GCFC2: variants seen among roughly 807,000 people sequenced by gnomAD.
The protein encoded by GCFC2 is intron Large complex component GCFC2.
GCFC2 carries 102 observed loss-of-function variants against 99.4 expected under a neutral mutation model. The observed-to-expected ratio is 1.03, with a 90% CI of 0.87 to 1.21. The LOEUF (loss-of-function observed/expected upper bound fraction) is 1.21. Ranked by LOEUF, GCFC2 falls within the 50% of genes most tolerant of loss-of-function variation. The pLI is 0.00. For synonymous variants in GCFC2, 338 were observed against 316.8 expected (o/e 1.07, Z -0.71); for missense variants, 973 against 920.9 (o/e 1.06, Z -0.73).
rs781520037 is a variant in GCFC2 at position 75,706,535 on chromosome 2, G to A, written c.382C>T (p.Leu128Phe). The A allele has an allele frequency of 4.4e-6, 7 of 1,590,628 alleles. No homozygotes were observed. Among genetic ancestry groups the A allele is most frequent in the South Asian group, 1.1e-5 (1 of 87,708 alleles). ...DSSSSLGEKE[L>F]SSTVKIPDAA... ...ACAAATTACTAACCTGTTGATGAAA[G>A]TTCTTTTTCTCCAAGAGAGCTAGAA... Residue 128 changes from leucine to phenylalanine, a missense_variant, in exon 2 of 17, where the codon CTT becomes TTT. By Grantham distance (22) the Leu-to-Phe change is conservative (BLOSUM62 0). Coordinates refer to ENST00000321027, the MANE Select transcript of GCFC2 (RefSeq NM_003203.5).
chr2:75,689,009 A>C lies in GCFC2; in HGVS notation c.1539+17T>G. On this transcript the variant is annotated intron_variant, in intron 10 of 16. Coordinates refer to ENST00000321027, the MANE Select transcript of GCFC2 (RefSeq NM_003203.5). Reference sequence around the variant, plus strand: ...TAATATAATCAGGATAATTTTTCATATGTTAAGCATAAATACCTTAAGAGG... The same window carrying C: ...TAATATAATCAGGATAATTTTTCATCTGTTAAGCATAAATACCTTAAGAGG... 1 of 1,334,722 alleles carries C rather than the reference A, an allele frequency of 7.5e-7. No individual in the cohort carries two copies. Among genetic ancestry groups the C allele is most frequent in the Non-Finnish European group, 1.1e-6 (1 of 946,020 alleles). The allele number at this position is 1,334,722 out of a possible 1,614,324, so 82.7% of individuals were successfully genotyped here. A position where few individuals can be genotyped will look rare whatever the true frequency, so the allele number is the denominator to read the frequency against.
At chr2:75,709,634 C>G (rs949580786) in intron 1 of GCFC2, among the ~76,000 whole-genome samples, 3 of 152,098 alleles carry the variant, frequency 2.0e-5, no homozygotes, top group African/African-American at 7.2e-5. Flanking sequence ...TTCTACAACA[C>G]GGTGACTAAA....
chr2:75,705,587 A>AGCCTGGGC (rs1384491560), intron 2 of GCFC2, among the ~76,000 whole-genome samples: 10 of 107,424 alleles, frequency 9.3e-5, no homozygotes, highest in African/African-American at 3.0e-4. Flanking sequence ...ACTGCACTCC[A>AGCCTGGGC]GCCTGGGCGA....
At position 75,702,374 on chromosome 2, in the gene GCFC2, T is replaced by A. The variant is rs529042774; in HGVS notation, c.444A>T (p.Glu148Asp). 1 of 1,612,874 alleles carries A rather than the reference T, an allele frequency of 6.2e-7. No homozygotes were observed. Among genetic ancestry groups the A allele is most frequent in the South Asian group, 1.1e-5 (1 of 91,062 alleles). Residue 148 changes from glutamate (E) to aspartate (D), a missense_variant, in exon 3 of 17, where the codon GAA becomes GAT. Glu to Asp is a conservative substitution (Grantham distance 45, BLOSUM62 2). Coordinates refer to ENST00000321027, the MANE Select transcript of GCFC2 (RefSeq NM_003203.5). Reference protein sequence around the residue: ...AFIQAARRKRELARAQDDYIS... With the variant: ...AFIQAARRKRDLARAQDDYIS... ...TATAGTCATCTTGGGCCCTGGCCAA[T>A]TCACGTTTTCTGCGGGCTGCCTGAA...
In GCFC2 at chr2:75,681,501, G is replaced by A. The variant is rs543357331; in HGVS notation, c.1691-1187C>T. Among the ~76,000 whole-genome samples, 79 of 151,988 alleles carry A rather than the reference G, an allele frequency of 5.2e-4. 1 individual carries two copies. Among genetic ancestry groups the A allele is most frequent in the African/African-American group, 1.8e-3 (73 of 41,268 alleles). ...GTGGGTTTCATGCACAAAACTGGGT[G>A]GCTGTTTGGGCAGACATCAAACTAG... On this transcript the variant is annotated intron_variant, in intron 11 of 16. Coordinates refer to ENST00000321027, the MANE Select transcript of GCFC2 (RefSeq NM_003203.5).
intron 12 of GCFC2, among the ~76,000 whole-genome samples, chr2:75,676,301 C>T (rs182245729): frequency 1.3e-5 from 2 of 152,114 alleles, no homozygotes; most frequent in Non-Finnish European, 2.9e-5. Context: ...CCTGAGGCTG[C>T]CCATAACTTT....
chr2:75,710,994 C>T (rs538897654), upstream of GCFC2: 13 of 1,357,700 alleles, frequency 9.6e-6, no homozygotes, highest in African/African-American at 1.7e-4. Flanking sequence ...CTGCTCACCG[C>T]TACTCTGTCT....
rs113624225 is a variant in GCFC2 at position 75,702,984 on chromosome 2, C to T, written c.395-561G>A. ...TAGCCTCTGCGGTTCTGTAGTGAGC[C>T]CCACGTGAATAAACATGAGACATTA... On this transcript the variant is annotated intron_variant, in intron 2 of 16. Transcript: ENST00000321027. Among the ~76,000 whole-genome samples, 432 of 152,202 alleles carry T rather than the reference C, an allele frequency of 2.8e-3. 1 individual carries two copies. Among genetic ancestry groups the T allele is most frequent in the Non-Finnish European group, 4.6e-3 (310 of 68,010 alleles).
upstream of GCFC2, among the ~76,000 whole-genome samples, chr2:75,712,961 C>G (rs967907254): frequency 2.6e-5 from 4 of 152,174 alleles, no homozygotes; most frequent in Admixed American, 2.6e-4. Flanking sequence ...GTGTTTCTCC[C>G]AGATATCCAG....
intron 6 of GCFC2, 120 bp from the exon 7 acceptor site, chr2:75,692,220 A>C (rs1348890033): frequency 3.5e-6 from 1 of 287,276 alleles, no homozygotes; most frequent in Non-Finnish European, 6.2e-6. Context: ...CTTAATTCTC[A>C]AAGAAACATT....
intron 8 of GCFC2, 36 bp downstream of exon 8, chr2:75,690,599 CAAT>C: frequency 1.1e-6 from 1 of 911,318 alleles, no homozygotes; most frequent in Non-Finnish European, 1.8e-6. Context: ...AGTACTTGCT[CAAT>C]GATGCTTTCT....
chr2:75,664,521 G>A lies in GCFC2; in HGVS notation c.*145C>T. The A allele has an allele frequency of 2.0e-6, 1 of 497,270 alleles. No individual in the cohort carries two copies. The highest frequency in any genetic ancestry group is 3.0e-5 in the South Asian group (1 of 33,156). 30.8% of individuals were successfully genotyped at this position (497,270 alleles called of 1,614,324 possible). A position where few individuals can be genotyped will look rare whatever the true frequency, so the allele number is the denominator to read the frequency against. On this transcript the variant is annotated 3_prime_UTR_variant, in exon 17 of 17. Coordinates refer to ENST00000321027, the MANE Select transcript of GCFC2 (RefSeq NM_003203.5). Reference sequence around the variant, plus strand: ...CATGATGCCAGAAGGTAAAGCACGGGGGAATACAGAGGTGGAGTCCTGCTT... The same window carrying A: ...CATGATGCCAGAAGGTAAAGCACGGAGGAATACAGAGGTGGAGTCCTGCTT...
upstream of GCFC2, among the ~76,000 whole-genome samples, chr2:75,712,686 G>A (rs1427123495): frequency 6.6e-6 from 1 of 152,120 alleles, no homozygotes; most frequent in Non-Finnish European, 1.5e-5. Flanking sequence ...CACTCACCGT[G>A]AAGATCTGCA....
chr2:75,666,237 T>C (rs1678830465), intron 15 of GCFC2, among the ~76,000 whole-genome samples, 184 bp from the exon 16 acceptor site: 1 of 152,226 alleles, frequency 6.6e-6, no homozygotes, highest in South Asian at 2.1e-4. Context: ...ATTCATTCTT[T>C]AATGCTAAGA....
rs542811446 is a variant in GCFC2 at position 75,674,367 on chromosome 2, C to T, written c.1813-847G>A. On this transcript the variant is annotated intron_variant, in intron 12 of 16. Transcript: ENST00000321027. ...AGGGAATTTTAAGGAGATGTTACAT[C>T]GCTCCAGTGAATCTATCATAAACTT... Among the ~76,000 whole-genome samples, 17 of 152,208 alleles carry T rather than the reference C, an allele frequency of 1.1e-4. 1 individual carries two copies. Among genetic ancestry groups the T allele is most frequent in the South Asian group, 8.3e-4 (4 of 4,828 alleles).
intron 5 of GCFC2, among the ~76,000 whole-genome samples, chr2:75,695,049 T>C (rs925921353): frequency 6.6e-6 from 1 of 152,152 alleles, no homozygotes; most frequent in Non-Finnish European, 1.5e-5. Context: ...AAAAATAAAA[T>C]ATAATAAAGT....
chr2:75,678,834 C>T (rs1051982029), intron 12 of GCFC2, among the ~76,000 whole-genome samples: 1 of 152,158 alleles, frequency 6.6e-6, no homozygotes, highest in Admixed American at 6.6e-5. Context: ...GCAGCTTCAA[C>T]TCCTGGGCTC....
Position 75,706,529 on chromosome 2 carries a change from A to G in GCFC2, c.388T>C (p.Ser130Pro), listed in dbSNP as rs969113876. The change falls in exon 2 of 17, where the codon TCA (serine) becomes CCA (proline). Residue 130 changes from serine (S) to proline (P), a missense_variant. Physicochemically the swap from Ser to Pro is moderately conservative, Grantham distance 74. Coordinates refer to ENST00000321027, the MANE Select transcript of GCFC2 (RefSeq NM_003203.5). ...AATCATACAAATTACTAACCTGTTGATGAAAGTTCTTTTTCTCCAAGAGAG... is the reference window on the plus strand; with the variant it reads ...AATCATACAAATTACTAACCTGTTGGTGAAAGTTCTTTTTCTCCAAGAGAG... The part of the protein sequence containing the change: ...SSSLGEKELS[S>P]TVKIPDAAFI... 2 of 1,587,436 alleles carry G rather than the reference A, an allele frequency of 1.3e-6. No individual in the cohort carries two copies. The highest frequency in any genetic ancestry group is 2.7e-5 in the African/African-American group (2 of 74,106).
chr2:75,697,884 C>A (rs568466439), intron 4 of GCFC2: 1 of 152,336 alleles, frequency 6.6e-6, no homozygotes, highest in Non-Finnish European at 1.5e-5. Flanking sequence ...CTAGAAGAGT[C>A]AAGGAATGGA....
Sources: allele counts gnomAD v4.1 joint callset (sites outside exome capture counted in the v4.1 genomes callset), GRCh38; gene constraint gnomAD v4.1.1; transcripts MANE v1.5; gene names NCBI Gene and HGNC (gene_info 2026-07-23, HGNC 2026-07-21).